GPC5: variants seen among roughly 807,000 people sequenced by gnomAD.
The protein encoded by GPC5 is glypican 5.
GPC5 carries 47 observed loss-of-function variants against 53.9 expected under a neutral mutation model. The ratio of observed to expected loss-of-function variants is 0.87; its 90% CI spans 0.69 to 1.11. GPC5 has a LOEUF of 1.11. Among genes scored for constraint, GPC5 ranks in the 50% most tolerant of loss-of-function variants. GPC5 has a pLI of 0.00. For missense variants in GPC5, 748 were observed against 713.1 expected, an observed-to-expected ratio of 1.05 and a Z score of -0.56; for synonymous variants, 286 against 263.3, an observed-to-expected ratio of 1.09 and a Z score of -0.84.
intron 2 of GPC5, among the ~76,000 whole-genome samples, chr13:91,576,491 C>T (rs1390982569): frequency 6.6e-6 from 1 of 152,072 alleles, no homozygotes; most frequent in Non-Finnish European, 1.5e-5. Flanking sequence ...GAAAAATATA[C>T]ATTGCATCAG....
intron 6 of GPC5, among the ~76,000 whole-genome samples, chr13:91,930,340 T>A (rs1205225662): frequency 6.6e-6 from 1 of 152,026 alleles, no homozygotes; most frequent in Non-Finnish European, 1.5e-5. Context: ...AAAACACATA[T>A]CCAACCTCAA....
intron 7 of GPC5, among the ~76,000 whole-genome samples, chr13:92,166,941 C>CTCTCTCTCTCTA (rs1555315958): frequency 1.5e-4 from 17 of 111,718 alleles, no homozygotes; most frequent in African/African-American, 5.7e-4. Context: ...CTCTCTCTCT[C>CTCTCTCTCTCTA]TCTCTCTCTC....
At chr13:91,503,780 AAATAATAATAATAATAAT>A (rs74995934) in intron 2 of GPC5, among the ~76,000 whole-genome samples, 3 of 132,898 alleles carry the variant, frequency 2.3e-5, no homozygotes, top group Non-Finnish European at 3.1e-5. Context: ...CTCTGTCTCA[AAATAATAATAATAATAAT>A]AATAATAATA....
At chr13:91,969,123 C>T (rs1195870380) in intron 6 of GPC5, among the ~76,000 whole-genome samples, 2 of 152,008 alleles carry the variant, frequency 1.3e-5, no homozygotes, top group Admixed American at 6.5e-5. Context: ...TGCATGCCAC[C>T]ACCCTCAGCT....
chr13:91,731,730 A>G (rs1337588371), intron 4 of GPC5, among the ~76,000 whole-genome samples: 4 of 151,968 alleles, frequency 2.6e-5, no homozygotes, highest in African/African-American at 9.6e-5. Context: ...CCCTCCCTAT[A>G]TACATGTGTT....
Position 92,386,661 on chromosome 13 carries a change from T to C in GPC5, c.1561+241672T>C, listed in dbSNP as rs536112764. ...AAGGGTGCATTTGTGATGTTATACTTGCTGCATATTGTGGTAACAAGCAGT... is the reference window on the plus strand; with the variant it reads ...AAGGGTGCATTTGTGATGTTATACTCGCTGCATATTGTGGTAACAAGCAGT... On this transcript the variant is annotated intron_variant, in intron 7 of 7. Transcript: ENST00000377067. Among the ~76,000 whole-genome samples the C allele has an allele frequency of 3.3e-5, 5 of 152,222 alleles. No homozygotes were observed. The South Asian group carries it at 1.0e-3, about 32-fold the overall frequency.
At position 91,443,416 on chromosome 13, in the gene GPC5, T is replaced by G. The variant is rs542791063; in HGVS notation, c.164-5345T>G. Among the ~76,000 whole-genome samples, 240 of 152,286 alleles carry G rather than the reference T, an allele frequency of 1.6e-3. 1 individual carries two copies. Among genetic ancestry groups the G allele is most frequent in the African/African-American group, 5.5e-3 (227 of 41,582 alleles). ...ACCAACCCAGTGGGCTCCCTGAATT[T>G]AAACTTCTAGCCTCCAGAACTGTGA... On this transcript the variant is annotated intron_variant, in intron 1 of 7. Transcript: ENST00000377067.
intron 7 of GPC5, among the ~76,000 whole-genome samples, chr13:92,528,113 A>G (rs975020955): frequency 2.0e-5 from 3 of 152,102 alleles, no homozygotes; most frequent in African/African-American, 7.2e-5. Context: ...TTGAAACCTA[A>G]AATATCCAAT....
At chr13:91,635,291 C>T (rs758340231) in intron 2 of GPC5, among the ~76,000 whole-genome samples, 9 of 152,056 alleles carry the variant, frequency 5.9e-5, no homozygotes, top group South Asian at 2.1e-4. Context: ...AATGAAAATA[C>T]GAATTGGATA....
intron 7 of GPC5, among the ~76,000 whole-genome samples, chr13:92,565,391 A>G (rs1882831927): frequency 6.6e-6 from 1 of 152,052 alleles, no homozygotes; most frequent in African/African-American, 2.4e-5. Flanking sequence ...ACTGAATCTA[A>G]GTGATTAAGA....
intron 7 of GPC5, among the ~76,000 whole-genome samples, chr13:92,758,274 T>C (rs1018861835): frequency 1.6e-4 from 24 of 146,390 alleles, no homozygotes; most frequent in African/African-American, 3.5e-4. Context: ...TAGGTGGGAA[T>C]TGAACAATGA....
chr13:91,896,382 G>A (rs1331982845), intron 5 of GPC5, among the ~76,000 whole-genome samples: 1 of 152,106 alleles, frequency 6.6e-6, no homozygotes, highest in Non-Finnish European at 1.5e-5. Context: ...GCCTCCCAAA[G>A]TGTTGGGATT....
chr13:91,552,963 C>T (rs1566498526), intron 2 of GPC5, among the ~76,000 whole-genome samples: 1 of 152,012 alleles, frequency 6.6e-6, no homozygotes, highest in Non-Finnish European at 1.5e-5. Context: ...AAAGTTGAGG[C>T]ATGGTATTAA....
chr13:91,569,555 T>G (rs375735440), intron 2 of GPC5, among the ~76,000 whole-genome samples: 1 of 152,146 alleles, frequency 6.6e-6, no homozygotes, highest in African/African-American at 2.4e-5. Context: ...TAACCCCCAA[T>G]GAGAATGCAT....
At chr13:91,721,632 T>C (rs2036476266) in intron 3 of GPC5, among the ~76,000 whole-genome samples, 1 of 152,204 alleles carries the variant, frequency 6.6e-6, no homozygotes, top group African/African-American at 2.4e-5. Context: ...AGTCTGCCTC[T>C]TGCCTCATCC....
intron 7 of GPC5, among the ~76,000 whole-genome samples, chr13:92,643,063 A>G (rs12867997): frequency 0.31 from 47,758 of 151,888 alleles, 9,337 homozygotes; most frequent in Non-Finnish European, 0.45. Context: ...CCACTTTTTG[A>G]TGGGGTTGTT....
At chr13:92,101,635 A>G (rs1478908910) in intron 6 of GPC5, among the ~76,000 whole-genome samples, 1 of 152,238 alleles carries the variant, frequency 6.6e-6, no homozygotes, top group African/African-American at 2.4e-5. Context: ...ACAACATCAA[A>G]TTAATTTATG....
chr13:92,723,247 G>A (rs1366386186), intron 7 of GPC5, among the ~76,000 whole-genome samples: 7 of 135,412 alleles, frequency 5.2e-5, no homozygotes, highest in Non-Finnish European at 9.5e-5. Context: ...TTCATATTAA[G>A]TGTTATTATT....
At chr13:92,317,065 T>C (rs549796764) in intron 7 of GPC5, among the ~76,000 whole-genome samples, 2 of 152,320 alleles carry the variant, frequency 1.3e-5, no homozygotes, top group Non-Finnish European at 2.9e-5. Flanking sequence ...TATTCATAAA[T>C]TCTCATATTT....
Sources: gnomAD v4.1 joint callset for allele counts (sites outside exome capture counted in the v4.1 genomes callset) on GRCh38, gnomAD v4.1.1 for gene constraint, MANE v1.5 for transcripts, NCBI Gene and HGNC (gene_info 2026-07-23, HGNC 2026-07-21) for gene names.